Variants in OR2AK2 observed in about 807,000 individuals in gnomAD.
The protein encoded by OR2AK2 is olfactory receptor 2AK2.
For synonymous variants in OR2AK2, 139 were observed against 147.2 expected, an observed-to-expected ratio of 0.94 and a Z score of 0.40; for missense variants, 392 against 384.1, an observed-to-expected ratio of 1.02 and a Z score of -0.17.
At chr1:247,966,246 C>T (rs780977627) in exon 1 of OR2AK2, 6 of 1,612,910 alleles carry the variant, frequency 3.7e-6, no homozygotes, top group Non-Finnish European at 5.1e-6. Flanking sequence ...CATTTATCTA[C>T]AGCCTGAGAA....
chr1:247,965,900 A>G, exon 1 of OR2AK2: 1 of 1,612,626 alleles, frequency 6.2e-7, no homozygotes, highest in African/African-American at 1.3e-5. Flanking sequence ...CGGCTCATTA[A>G]CCACTTTTTC....
In OR2AK2 at chr1:247,965,349, C is replaced by A; in HGVS notation, c.-28C>A. ...ATTATTACATGAACATTTCAGATGTCATCTCCTTTGATATTTTGGTTTCAG... is the reference window on the plus strand; with the variant it reads ...ATTATTACATGAACATTTCAGATGTAATCTCCTTTGATATTTTGGTTTCAG... On this transcript the variant is annotated 5_prime_UTR_variant, in exon 1 of 1. An upstream open reading frame in the 5' UTR gains an earlier in-frame stop. Coordinates refer to ENST00000366480, the Ensembl canonical transcript of OR2AK2. 2 of 1,586,350 alleles carry A rather than the reference C, an allele frequency of 1.3e-6. No individual in the cohort carries two copies. The highest frequency in any genetic ancestry group is 1.2e-5 in the South Asian group (1 of 85,220).
At chr1:247,966,051 A>G (rs1373439778) in exon 1 of OR2AK2, 17 of 1,614,038 alleles carry the variant, frequency 1.1e-5, no homozygotes, top group Non-Finnish European at 1.4e-5. Flanking sequence ...TTATTGTGGT[A>G]TTCCAGATGA....
rs1572635255 is a variant in OR2AK2 at position 247,965,243 on chromosome 1, A to T, written c.-134A>T. ...CCAGAAAGCACTTTGTGCTCTAAAC[A>T]TGTAGATAGTTGCCAAACATGTAAG... is the stretch of plus-strand genomic sequence containing the variant. On this transcript the variant is annotated 5_prime_UTR_variant, in exon 1 of 1. It removes an upstream start codon present in the reference 5' UTR. Coordinates refer to ENST00000366480, the Ensembl canonical transcript of OR2AK2. 1 of 1,090,186 alleles carries T rather than the reference A, an allele frequency of 9.2e-7. No individual in the cohort carries two copies. The highest frequency in any genetic ancestry group is 2.7e-5 in the East Asian group (1 of 36,644). The allele number at this position is 1,090,186 out of a possible 1,614,324, so 67.5% of individuals were successfully genotyped here. A position where few individuals can be genotyped will look rare whatever the true frequency, so the allele number is the denominator to read the frequency against.
At chr1:247,965,556 C>T (rs934206742) in exon 1 of OR2AK2, 1 of 1,609,078 alleles carries the variant, frequency 6.2e-7, no homozygotes, top group Admixed American at 1.7e-5. Context: ...CTCCAATGTA[C>T]TTTCTGCTCA....
chr1:247,965,662 G>A (rs1660951154), exon 1 of OR2AK2: 1 of 1,545,706 alleles, frequency 6.5e-7, no homozygotes, highest in Non-Finnish European at 8.7e-7. Flanking sequence ...TAGATTTTTG[G>A]GCTGTGAGAT....
rs187908111 is a variant in OR2AK2 at position 247,965,507 on chromosome 1, T to C, written c.131T>C (p.Met44Thr). 1.1e-4 allele frequency: 184 copies of C among 1,613,702 alleles called. No homozygotes were observed. The East Asian group carries it at 2.6e-3, about 23-fold the overall frequency. Residue 44 changes from methionine (M) to threonine (T), a missense_variant, in exon 1 of 1, where the codon ATG (methionine) becomes ACG (threonine). Physicochemically the swap from Met to Thr is moderately conservative, Grantham distance 81 (BLOSUM62 -1). Transcript: ENST00000366480. ...ACAGTTGCTCTGACAGGAAATATCATGCTGATCCACCTCATTCGACTGAAC... is the reference window on the plus strand; with the variant it reads ...ACAGTTGCTCTGACAGGAAATATCACGCTGATCCACCTCATTCGACTGAAC...
exon 1 of OR2AK2, chr1:247,965,491 C>T: frequency 9.9e-6 from 16 of 1,613,658 alleles, no homozygotes; most frequent in Non-Finnish European, 1.4e-5. Context: ...TACAGTTGCT[C>T]TGACAGGAAA....
Position 247,965,644 on chromosome 1 carries a change from A to AAG in OR2AK2, c.270_271dup (p.Thr91ArgfsTer35), listed in dbSNP as rs1314986169. ...GGCAGTCAGCTTCCTCTCACAGAGT[A>AAG]AGACCATTAGATTTTTGGGCTGTGA... On this transcript the variant is annotated frameshift_variant, in exon 1 of 1. Coordinates refer to ENST00000366480, the Ensembl canonical transcript of OR2AK2. LOFTEE classifies it low-confidence loss of function (END_TRUNC). 6.4e-7 allele frequency: 1 copy of AAG among 1,550,540 alleles called. No homozygotes were observed. Among genetic ancestry groups the AAG allele is most frequent in the East Asian group, 2.3e-5 (1 of 44,422 alleles).
chr1:247,965,375 C>T (rs1310110295), exon 1 of OR2AK2: 1 of 1,605,870 alleles, frequency 6.2e-7, no homozygotes, highest in South Asian at 1.1e-5. Context: ...TTGGTTTCAG[C>T]CATGAAAACA....
exon 1 of OR2AK2, chr1:247,965,974 C>T: frequency 2.5e-6 from 4 of 1,609,992 alleles, no homozygotes; most frequent in Non-Finnish European, 3.4e-6. Flanking sequence ...GTATACAGTC[C>T]TCCTGAGTGG....
At chr1:247,966,039 G>A in exon 1 of OR2AK2, 1 of 1,614,070 alleles carries the variant, frequency 6.2e-7, no homozygotes, top group Non-Finnish European at 8.5e-7. Context: ...ATGCTCGTGT[G>A]CTTATTGTGG....
chr1:247,965,809 G>C lies in OR2AK2; in HGVS notation c.433G>C (p.Val145Leu), dbSNP rs896255556. Residue 145 changes from valine (V) to leucine (L), a missense_variant, in exon 1 of 1, where the codon GTT becomes CTT. Coordinates refer to ENST00000366480, the Ensembl canonical transcript of OR2AK2. ...GAGCAAGAAGATCTGCTGCCTCATG[G>C]TTGCATGTGCATGGGCCAGTGGTTC... is the stretch of plus-strand genomic sequence containing the variant. 4 of 1,609,258 alleles carry C rather than the reference G, an allele frequency of 2.5e-6. No individual in the cohort carries two copies. In the African/African-American group the frequency reaches 5.3e-5, roughly 22 times the overall value.
exon 1 of OR2AK2, chr1:247,966,200 C>A: frequency 1.9e-6 from 3 of 1,613,704 alleles, no homozygotes; most frequent in Non-Finnish European, 2.5e-6. Context: ...AAGGCGGTGG[C>A]AGTATTTTAC....
exon 1 of OR2AK2, chr1:247,965,322 A>G: frequency 1.3e-6 from 2 of 1,530,502 alleles, no homozygotes; most frequent in South Asian, 1.3e-5. Flanking sequence ...AGGGAAGTCA[A>G]CATTATTACA....
chr1:247,966,198 G>A, exon 1 of OR2AK2: 1 of 1,613,812 alleles, frequency 6.2e-7, no homozygotes. Context: ...ATAAGGCGGT[G>A]GCAGTATTTT....
chr1:247,965,980 A>C (rs1558162547), exon 1 of OR2AK2: 1 of 1,610,544 alleles, frequency 6.2e-7, no homozygotes, highest in Non-Finnish European at 8.5e-7. Flanking sequence ...AGTCCTCCTG[A>C]GTGGACTTAT....
chr1:247,965,272 ATATT>A (rs1433805494), exon 1 of OR2AK2: 6 of 1,338,868 alleles, frequency 4.5e-6, no homozygotes, highest in African/African-American at 4.5e-5. Flanking sequence ...ATGTAAGTGA[ATATT>A]TATTTCTGAA....
chr1:247,965,719 C>G (rs1182055468), exon 1 of OR2AK2: 1 of 1,556,318 alleles, frequency 6.4e-7, no homozygotes, highest in Admixed American at 2.0e-5. Flanking sequence ...AGCCCTTCTC[C>G]TTGGTTTTAT....
Sources: allele counts gnomAD v4.1 joint callset, GRCh38; gene constraint gnomAD v4.1.1; transcripts MANE v1.5; gene names NCBI Gene and HGNC (gene_info 2026-07-23, HGNC 2026-07-21).